GPR141: variants seen among roughly 807,000 people sequenced by gnomAD.
GPR141 encodes the protein probable G protein-coupled receptor 141.
GPR141 carries 6 observed loss-of-function variants against 6.8 expected under a neutral mutation model. The observed-to-expected ratio is 0.88, with a 90% CI of 0.48 to 1.74. The LOEUF (loss-of-function observed/expected upper bound fraction) is 1.74, where lower values mean the gene tolerates loss of function less well. Ranked by LOEUF, GPR141 falls within the 40% of genes most tolerant of loss-of-function variation. The pLI, the probability that GPR141 is intolerant of heterozygous loss-of-function variation, is 0.01. For missense variants in GPR141, 372 were observed against 372.9 expected, an observed-to-expected ratio of 1.00 and a Z score of 0.02; for synonymous variants, 140 against 142.3, an observed-to-expected ratio of 0.98 and a Z score of 0.11.
intron 2 of GPR141, among the ~76,000 whole-genome samples, chr7:37,724,418 C>A (rs1007117269): frequency 2.6e-5 from 4 of 152,024 alleles, no homozygotes; most frequent in Admixed American, 2.6e-4. Flanking sequence ...AAGCAGGGGG[C>A]AATTTTTATA....
At chr7:37,698,721 G>T (rs1204114205) in intron 2 of GPR141, among the ~76,000 whole-genome samples, 1 of 152,194 alleles carries the variant, frequency 6.6e-6, no homozygotes, top group Non-Finnish European at 1.5e-5. Flanking sequence ...TTTTGCAATA[G>T]ACTTGTTTTG....
At position 37,741,638 on chromosome 7, in the gene GPR141, T is replaced by G. The variant is rs915805034; in HGVS notation, c.*327T>G. Among the ~76,000 whole-genome samples the G allele has an allele frequency of 6.6e-6, 1 of 152,232 alleles. No homozygotes were observed. Among genetic ancestry groups the G allele is most frequent in the African/African-American group, 2.4e-5 (1 of 41,462 alleles). ...TTCATTAGCTCATTCTAAGTTCCTCTGTTTGAAGCATGGTCTCTTAGGTTT... is the reference window on the plus strand; with the variant it reads ...TTCATTAGCTCATTCTAAGTTCCTCGGTTTGAAGCATGGTCTCTTAGGTTT... On this transcript the variant is annotated 3_prime_UTR_variant, in exon 3 of 3. Transcript: ENST00000334425.
chr7:37,703,560 G>C (rs1442336866), intron 2 of GPR141, among the ~76,000 whole-genome samples: 4 of 152,124 alleles, frequency 2.6e-5, no homozygotes, highest in African/African-American at 9.7e-5. Flanking sequence ...TAGCATAGTT[G>C]CTAAGAAACA....
At chr7:37,709,814 G>A (rs74666797) in intron 2 of GPR141, 22,747 of 152,192 alleles carry the variant, frequency 0.15, 1,875 homozygotes, top group East Asian at 0.24. Flanking sequence ...GTACTCAAGG[G>A]TGAGGGAGGC....
At chr7:37,734,795 G>A (rs1178513800) in intron 2 of GPR141, among the ~76,000 whole-genome samples, 1 of 152,210 alleles carries the variant, frequency 6.6e-6, no homozygotes, top group Non-Finnish European at 1.5e-5. Context: ...TTAGTAGATG[G>A]ATGGGGAGGG....
rs540205729 is a variant in GPR141, at chr7:37,691,948, G to A, written c.-15+6365G>A. Among the ~76,000 whole-genome samples the A allele has an allele frequency of 3.3e-5, 5 of 151,948 alleles. No homozygotes were observed. In the South Asian group the frequency reaches 6.3e-4, roughly 19 times the overall value. On this transcript the variant is annotated intron_variant, in intron 2 of 2. Coordinates refer to ENST00000334425, the MANE Select transcript of GPR141 (RefSeq NM_001381946.1). ...TTTTATTGCTGTTTTAAGAATTCTCGCTGTCTTTGACTTCTTTTTTTTGTG... is the reference window on the plus strand; with the variant it reads ...TTTTATTGCTGTTTTAAGAATTCTCACTGTCTTTGACTTCTTTTTTTTGTG...
intron 2 of GPR141, among the ~76,000 whole-genome samples, chr7:37,732,085 G>A (rs1416852553): frequency 6.8e-6 from 1 of 147,112 alleles, no homozygotes; most frequent in East Asian, 2.0e-4. Context: ...TAAGTTCTAG[G>A]GTACATGTGC....
intron 2 of GPR141, among the ~76,000 whole-genome samples, chr7:37,691,816 C>G (rs4723694): frequency 0.35 from 52,549 of 151,670 alleles, 9,280 homozygotes; most frequent in Middle Eastern, 0.39. Flanking sequence ...TTTTTCCCCC[C>G]CTTTAACACT....
intron 2 of GPR141, among the ~76,000 whole-genome samples, chr7:37,715,386 T>C (rs1810999489): frequency 6.6e-6 from 1 of 152,146 alleles, no homozygotes; most frequent in South Asian, 2.1e-4. Context: ...CACCTCGGCC[T>C]CCCAAAGTGC....
At chr7:37,709,144 T>C (rs1810674180) in intron 2 of GPR141, among the ~76,000 whole-genome samples, 1 of 152,198 alleles carries the variant, frequency 6.6e-6, no homozygotes, top group South Asian at 2.1e-4. Flanking sequence ...GTCTTATTAT[T>C]ATTGCAGAAA....
At chr7:37,684,114 A>T (rs1010091856) in intron 1 of GPR141, among the ~76,000 whole-genome samples, 1 of 152,218 alleles carries the variant, frequency 6.6e-6, no homozygotes, top group Non-Finnish European at 1.5e-5. Context: ...GTAAAACCTA[A>T]TATTTATGGG....
Position 37,741,151 on chromosome 7 carries a change from C to T in GPR141, c.758C>T (p.Thr253Met), listed in dbSNP as rs117528446. 5.5e-4 allele frequency: 890 copies of T among 1,613,938 alleles called. No homozygotes were observed. The highest frequency in any genetic ancestry group is 7.2e-4 in the Non-Finnish European group (844 of 1,179,878). Residue 253 changes from threonine to methionine, a missense_variant, in exon 3 of 3, where the codon ACG becomes ATG. Thr to Met is a moderately conservative substitution (Grantham distance 81, BLOSUM62 -1). Transcript: ENST00000334425. ...FFRIYYLNVVTHSNACNSKVA... is the reference protein window; with the variant it reads ...FFRIYYLNVVMHSNACNSKVA... The stretch of plus-strand genomic sequence containing the variant: ...AGGATCTATTACTTGAATGTTGTGA[C>T]GCATTCCAATGCCTGTAACAGCAAG...
intron 2 of GPR141, among the ~76,000 whole-genome samples, chr7:37,692,886 C>G (rs896430377): frequency 6.6e-6 from 1 of 152,086 alleles, no homozygotes; most frequent in African/African-American, 2.4e-5. Context: ...CTTGTAAATT[C>G]TGGATATAAG....
chr7:37,738,872 A>G (rs1812391697), intron 2 of GPR141, among the ~76,000 whole-genome samples: 1 of 152,196 alleles, frequency 6.6e-6, no homozygotes, highest in Non-Finnish European at 1.5e-5. Context: ...CATACAATAT[A>G]TAATCTTGGT....
chr7:37,738,991 A>G (rs558317769), intron 2 of GPR141, among the ~76,000 whole-genome samples: 9 of 152,296 alleles, frequency 5.9e-5, no homozygotes, highest in Middle Eastern at 3.4e-3. Context: ...AAATTTTGAT[A>G]CCACAGATAT....
intron 2 of GPR141, among the ~76,000 whole-genome samples, chr7:37,704,578 C>T (rs1216488015): frequency 6.6e-6 from 1 of 152,144 alleles, no homozygotes; most frequent in Non-Finnish European, 1.5e-5. Flanking sequence ...CCTCCCATGA[C>T]ACATGGGGAT....
At chr7:37,685,260 A>G (rs994248529) in intron 1 of GPR141, 200 bp from the exon 2 acceptor site, 2 of 152,216 alleles carry the variant, frequency 1.3e-5, no homozygotes, top group African/African-American at 4.8e-5. Flanking sequence ...GATGGTCTTT[A>G]GATTGATACA....
At position 37,740,520 on chromosome 7, in the gene GPR141, G is replaced by C. The variant is rs749335333; in HGVS notation, c.127G>C (p.Val43Leu). The C allele has an allele frequency of 1.9e-6, 3 of 1,613,844 alleles. No individual in the cohort carries two copies. In the East Asian group the frequency reaches 6.7e-5, roughly 36 times the overall value. Reference protein sequence around the residue: ...VGVISILFLLVKMNTRSVTTM... With the variant: ...VGVISILFLLLKMNTRSVTTM... ...TGTCATTTCCATTCTTTTCCTCCTG[G>C]TGAAAATGAACACCCGGTCAGTGAC... The change falls in exon 3 of 3, where the codon GTG becomes CTG. Residue 43 changes from valine (V) to leucine (L), a missense_variant. By Grantham distance (32) the Val-to-Leu change is conservative (BLOSUM62 1). Transcript: ENST00000334425.
chr7:37,731,715 G>A (rs1669402185), intron 2 of GPR141, among the ~76,000 whole-genome samples: 1 of 152,198 alleles, frequency 6.6e-6, no homozygotes. Flanking sequence ...GCCTCCCGAA[G>A]TGCGGGGATT....
Sources: gnomAD v4.1 joint callset for allele counts (sites outside exome capture counted in the v4.1 genomes callset) on GRCh38, gnomAD v4.1.1 for gene constraint, MANE v1.5 for transcripts, NCBI Gene and HGNC (gene_info 2026-07-23, HGNC 2026-07-21) for gene names.